Variants in NOC3L observed in about 807,000 individuals in gnomAD.
NOC3L encodes the protein nucleolar complex protein 3 homolog.
A neutral mutation model predicts 102.5 loss-of-function variants in NOC3L; 85 were observed. The observed-to-expected ratio is 0.83, with a 90% confidence interval of 0.70 to 0.99. The LOEUF is 0.99. Among genes scored for constraint, NOC3L ranks in the 50% least tolerant of loss-of-function variants. The pLI is 0.00. For missense variants in NOC3L, 878 were observed against 914.9 expected (o/e 0.96, Z 0.52); for synonymous variants, 303 against 309.4 (o/e 0.98, Z 0.22).
At chr10:94,335,156 A>G (rs1002908286) in intron 19 of NOC3L, among the ~76,000 whole-genome samples, 1 of 152,204 alleles carries the variant, frequency 6.6e-6, no homozygotes, top group African/African-American at 2.4e-5. Flanking sequence ...GACAGAATAC[A>G]TGTCTATACC....
the NOC3L span, among the ~76,000 whole-genome samples, chr10:94,317,293 A>C: frequency 6.6e-6 from 1 of 152,186 alleles, no homozygotes; most frequent in Non-Finnish European, 1.5e-5. Flanking sequence ...TCACACAAAT[A>C]AACTATTCCA....
chr10:94,346,353 G>C, intron 11 of NOC3L, 72 bp downstream of exon 11: 4 of 1,114,766 alleles, frequency 3.6e-6, no homozygotes, highest in Non-Finnish European at 3.7e-6. Flanking sequence ...ATTTTTACAT[G>C]TGCCTATAAG....
downstream of NOC3L, chr10:94,332,058 C>T (rs915087283): frequency 1.3e-5 from 2 of 151,740 alleles, no homozygotes; most frequent in South Asian, 2.1e-4. Context: ...TCAGTAGAGA[C>T]GGGGGTTTCA....
the NOC3L span, among the ~76,000 whole-genome samples, chr10:94,317,786 T>C: frequency 1.3e-5 from 2 of 152,132 alleles, no homozygotes; most frequent in Non-Finnish European, 2.9e-5. Context: ...AAGAATGACA[T>C]ATAAGGTCAT....
intron 6 of NOC3L, among the ~76,000 whole-genome samples, chr10:94,353,794 T>C (rs1486008751): frequency 3.9e-5 from 6 of 152,246 alleles, no homozygotes; most frequent in Admixed American, 1.3e-4. Context: ...TTTCAAAATA[T>C]ACTAAAATGT....
In NOC3L at chr10:94,357,164, T is replaced by A. The variant is rs1431097105; in HGVS notation, c.508+10A>T. On this transcript the variant is annotated intron_variant, in intron 4 of 20. Coordinates refer to ENST00000371361, the MANE Select transcript of NOC3L (RefSeq NM_022451.11). ...AAGTTCAACTAATATTACCAGTTTA[T>A]TAGACTCACCTGGCTTCTCCCTAGT... is the stretch of plus-strand genomic sequence containing the variant. 1 of 1,523,308 alleles carries A rather than the reference T, an allele frequency of 6.6e-7. No individual in the cohort carries two copies. The highest frequency in any genetic ancestry group is 2.2e-5 in the Admixed American group (1 of 46,322). 94.4% of individuals were successfully genotyped at this position (1,523,308 alleles called of 1,614,324 possible).
the NOC3L span, among the ~76,000 whole-genome samples, chr10:94,315,769 C>CAA: frequency 1.8e-4 from 22 of 122,868 alleles, no homozygotes; most frequent in East Asian, 2.9e-3. Context: ...GACTCTGTCT[C>CAA]AAAAAAAAAA....
At chr10:94,343,715 T>C (rs1236535506) in intron 13 of NOC3L, among the ~76,000 whole-genome samples, 5 of 152,196 alleles carry the variant, frequency 3.3e-5, no homozygotes, top group Non-Finnish European at 7.3e-5. Context: ...TTCGAAAATA[T>C]GTTATGAAAA....
rs1174251728 is a variant in NOC3L at position 94,334,638 on chromosome 10, AT to A, written c.2269del (p.Ile757Ter). 5 of 1,610,906 alleles carry A rather than the reference AT, an allele frequency of 3.1e-6. No homozygotes were observed. The African/African-American group carries it at 6.7e-5, about 22-fold the overall frequency. ...AAAATGAAAAATATCCCATACCTTT[AT>A]TTTGGGGTTTGAAGATTCAACAGGA... ...NPPVESSNPK[I>X]KGKFLQGDSF... On this transcript the variant is annotated frameshift_variant, in exon 20 of 21. Transcript: ENST00000371361. LOFTEE classifies it high-confidence loss of function.
intron 20 of NOC3L, 48 bp from the exon 21 acceptor site, chr10:94,334,353 C>A: frequency 8.0e-7 from 1 of 1,244,526 alleles, no homozygotes; most frequent in Non-Finnish European, 1.1e-6. Context: ...ATGCTATAAG[C>A]TAAAGCCAAC....
Position 94,334,626 on chromosome 10 carries a change from T to A in NOC3L, c.2274+8A>T, listed in dbSNP as rs745585596. ...TCTTCCTTTAAAAAAATGAAAAATA[T>A]CCCATACCTTTATTTTGGGGTTTGA... is the stretch of plus-strand genomic sequence containing the variant. On this transcript the variant is annotated splice_region_variant and intron_variant, in intron 20 of 20. Coordinates refer to ENST00000371361, the MANE Select transcript of NOC3L (RefSeq NM_022451.11). 9.4e-6 allele frequency: 15 copies of A among 1,600,608 alleles called. No individual in the cohort carries two copies. The South Asian group carries it at 1.4e-4, about 15-fold the overall frequency.
intron 5 of NOC3L, among the ~76,000 whole-genome samples, chr10:94,356,241 CTT>C (rs200775307): frequency 0.013 from 1,951 of 152,200 alleles, 25 homozygotes; most frequent in Non-Finnish European, 0.018. Flanking sequence ...TGTAAGTAGT[CTT>C]TCTCTTACAA....
chr10:94,358,051 T>A (rs370156401), intron 3 of NOC3L, 32 bp downstream of exon 3: 2 of 1,404,876 alleles, frequency 1.4e-6, no homozygotes, highest in African/African-American at 2.8e-5. Flanking sequence ...ACTAAATGGA[T>A]ATGAATGATT....
chr10:94,354,803 T>A (rs909782454), intron 6 of NOC3L, among the ~76,000 whole-genome samples, 160 bp downstream of exon 6: 12 of 152,230 alleles, frequency 7.9e-5, no homozygotes, highest in Non-Finnish European at 1.6e-4. Context: ...GACATAGCAT[T>A]AAGCTAAGAT....
chr10:94,334,584 ATACATTGGTTTCTATTTCTTCCTT>A (rs1180850948), intron 20 of NOC3L, 26 bp downstream of exon 20: 2 of 1,328,620 alleles, frequency 1.5e-6, no homozygotes, highest in Non-Finnish European at 2.1e-6. Context: ...AGTTATTGAG[ATACATTGGTTTCTATTTCTTCCTT>A]TAAAAAAATG....
chr10:94,345,860 G>A (rs950369874), intron 11 of NOC3L, among the ~76,000 whole-genome samples: 4 of 152,036 alleles, frequency 2.6e-5, no homozygotes, highest in Admixed American at 2.6e-4. Flanking sequence ...GATGGTGGTG[G>A]TACTAAAACT....
rs2054386328 is a variant in NOC3L at position 94,349,315 on chromosome 10, A to G, written c.1192T>C (p.Ser398Pro). 6.3e-7 allele frequency: 1 copy of G among 1,580,380 alleles called. No homozygotes were observed. Among genetic ancestry groups the G allele is most frequent in the South Asian group, 1.2e-5 (1 of 84,338 alleles). ...GAAATCACTTTAATTACACCAAGAG[A>G]AGCTTGGCCTAATTTATCTTGCTTA... ...LFKQDKLGQA[S>P]LGVIKVISGF... The change falls in exon 10 of 21, where the codon TCT becomes CCT. Residue 398 changes from serine (S) to proline (P), a missense_variant. Physicochemically the swap from Ser to Pro is moderately conservative, Grantham distance 74. Coordinates refer to ENST00000371361, the MANE Select transcript of NOC3L (RefSeq NM_022451.11).
At chr10:94,324,453 TACC>T in the NOC3L span, 2 of 1,614,150 alleles carry the variant, frequency 1.2e-6, no homozygotes, top group Non-Finnish European at 1.7e-6. Flanking sequence ...ACAAGAAGAC[TACC>T]ACACCAAAGT....
rs1345548627 is a variant in NOC3L at position 94,346,491 on chromosome 10, A to T, written c.1323T>A (p.Ile441=). ...EVEVKKDTED[I]NKPKKFMTFK... ...AAGTCATAAATTTTTTTGGTTTATTAATGTCTTCTGTATCTTTTTTCACTT... is the reference window on the plus strand; with the variant it reads ...AAGTCATAAATTTTTTTGGTTTATTTATGTCTTCTGTATCTTTTTTCACTT... Residue 441 remains isoleucine (I), a synonymous_variant, in exon 11 of 21, where the codon ATT becomes ATA. Coordinates refer to ENST00000371361, the MANE Select transcript of NOC3L (RefSeq NM_022451.11). 1.3e-6 allele frequency: 2 copies of T among 1,496,986 alleles called. No homozygotes were observed. Among genetic ancestry groups the T allele is most frequent in the Non-Finnish European group, 1.8e-6 (2 of 1,111,028 alleles). The allele number at this position is 1,496,986 out of a possible 1,614,324, so 92.7% of individuals were successfully genotyped here. A position where few individuals can be genotyped will look rare whatever the true frequency, so the allele number is the denominator to read the frequency against.
Sources: allele counts gnomAD v4.1 joint callset (sites outside exome capture counted in the v4.1 genomes callset), GRCh38; gene constraint gnomAD v4.1.1; transcripts MANE v1.5; gene names NCBI Gene and HGNC (gene_info 2026-07-23, HGNC 2026-07-21).